ZFPM2: variants seen among roughly 807,000 people sequenced by gnomAD.
ZFPM2 encodes the protein zinc finger protein ZFPM2.
ZFPM2 carries 20 observed loss-of-function variants against 98.6 expected under a neutral mutation model. That is an observed-to-expected ratio of 0.20 (90% CI 0.14 to 0.29). ZFPM2 has a LOEUF of 0.29. ZFPM2 is among the 10% of genes least tolerant of loss of function. The probability of loss-of-function intolerance (pLI) is 1.00; values close to 1 mark genes in which losing one functional copy is unlikely to be tolerated. For missense variants in ZFPM2, 1,310 were observed against 1,388.6 expected (o/e 0.94, Z 0.90); for synonymous variants, 518 against 502.7 (o/e 1.03, Z -0.41).
intron 3 of ZFPM2, among the ~76,000 whole-genome samples, chr8:105,483,436 A>T (rs1813164123): frequency 6.6e-6 from 1 of 151,710 alleles, no homozygotes; most frequent in African/African-American, 2.4e-5. Flanking sequence ...CTAAAAATAC[A>T]AAAATTAGCT....
At chr8:105,537,722 T>A (rs182862949) in intron 3 of ZFPM2, among the ~76,000 whole-genome samples, 78 of 152,004 alleles carry the variant, frequency 5.1e-4, no homozygotes, top group African/African-American at 1.9e-3. Context: ...ATATATTTTT[T>A]CTTTTTTCTT....
Position 105,534,671 on chromosome 8 carries a change from A to G in ZFPM2, c.302-26692A>G, listed in dbSNP as rs183704361. Among the ~76,000 whole-genome samples, 7 of 152,320 alleles carry G rather than the reference A, an allele frequency of 4.6e-5. No homozygotes were observed. The East Asian group carries it at 1.4e-3, about 29-fold the overall frequency. On this transcript the variant is annotated intron_variant, in intron 3 of 7. Transcript: ENST00000407775. ...AACAGCTGAGCATTGTCCCTGGTAC[A>G]TACAGCAGCTCAGTGAAAATACATG...
At chr8:105,789,177 G>A (rs201845047) in intron 6 of ZFPM2, 31 of 297,494 alleles carry the variant, frequency 1.0e-4, no homozygotes, top group Non-Finnish European at 1.4e-4. Flanking sequence ...GCTGGTGCGC[G>A]GCACCCACTA....
chr8:105,413,457 C>T (rs1391504245), intron 1 of ZFPM2, among the ~76,000 whole-genome samples: 10 of 147,354 alleles, frequency 6.8e-5, no homozygotes, highest in East Asian at 3.9e-4. Context: ...AAATGTGGCT[C>T]GATTATGATG....
intron 5 of ZFPM2, among the ~76,000 whole-genome samples, chr8:105,764,807 G>T (rs923569555): frequency 6.6e-6 from 1 of 151,678 alleles, no homozygotes; most frequent in African/African-American, 2.4e-5. Flanking sequence ...TTTAGAATCT[G>T]TCATTTTCAT....
At chr8:105,501,926 A>G (rs1813604442) in intron 3 of ZFPM2, among the ~76,000 whole-genome samples, 1 of 152,280 alleles carries the variant, frequency 6.6e-6, no homozygotes, top group South Asian at 2.1e-4. Flanking sequence ...TTTTAATTCA[A>G]CAGAACATTA....
chr8:105,510,409 T>TG (rs1425375515), intron 3 of ZFPM2, among the ~76,000 whole-genome samples: 3 of 144,706 alleles, frequency 2.1e-5, no homozygotes, highest in East Asian at 2.0e-4. Flanking sequence ...TTTTTTTTTT[T>TG]TTTGTTTGTT....
At chr8:105,556,911 T>C (rs1447680837) in intron 3 of ZFPM2, among the ~76,000 whole-genome samples, 1 of 152,018 alleles carries the variant, frequency 6.6e-6, no homozygotes, top group Non-Finnish European at 1.5e-5. Context: ...TTAACACAGA[T>C]GGGGTTTCAC....
At chr8:105,342,173 T>C (rs1414943544) in intron 1 of ZFPM2, among the ~76,000 whole-genome samples, 1 of 152,024 alleles carries the variant, frequency 6.6e-6, no homozygotes. Flanking sequence ...ATGGAGATTA[T>C]AAAGAAACCT....
intron 6 of ZFPM2, chr8:105,795,771 G>A (rs761227763): frequency 2.1e-6 from 1 of 482,788 alleles, no homozygotes; most frequent in Non-Finnish European, 4.2e-6. Flanking sequence ...CACTTCATAT[G>A]ACACAAAATC....
Position 105,788,988 on chromosome 8 carries a change from G to T in ZFPM2, c.739+64G>T, listed in dbSNP as rs1424361225. 5 of 1,373,652 alleles carry T rather than the reference G, an allele frequency of 3.6e-6. No individual in the cohort carries two copies. In the Admixed American group the frequency reaches 6.7e-5, roughly 18 times the overall value. The allele number at this position is 1,373,652 out of a possible 1,614,324, so 85.1% of individuals were successfully genotyped here. ...ATGGGAATTTATGGGAGAAAAAAATGTCTACTGACAAGAAACCAGGAACAG... is the reference window on the plus strand; with the variant it reads ...ATGGGAATTTATGGGAGAAAAAAATTTCTACTGACAAGAAACCAGGAACAG... On this transcript the variant is annotated intron_variant, in intron 6 of 7. Transcript: ENST00000407775.
At position 105,803,585 on chromosome 8, in the gene ZFPM2, T is replaced by C; in HGVS notation, c.*47T>C. ...TTTGGTATCAGTGTTTAGTATGTTG[T>C]TCTAACCAGTCCAGAAAAAAAAATA... On this transcript the variant is annotated 3_prime_UTR_variant, in exon 8 of 8. Transcript: ENST00000407775. The C allele has an allele frequency of 6.5e-7, 1 of 1,542,270 alleles. No individual in the cohort carries two copies. Among genetic ancestry groups the C allele is most frequent in the African/African-American group, 1.4e-5 (1 of 73,332 alleles).
At chr8:105,414,235 G>A (rs6994431) in intron 1 of ZFPM2, among the ~76,000 whole-genome samples, 146,177 of 152,064 alleles carry the variant, frequency 0.96, 70,341 homozygotes, top group East Asian at 1. Flanking sequence ...GTTTAAGAGA[G>A]AAGATCCCTT....
At chr8:105,520,173 A>G (rs1369676027) in intron 3 of ZFPM2, among the ~76,000 whole-genome samples, 1 of 152,206 alleles carries the variant, frequency 6.6e-6, no homozygotes, top group Non-Finnish European at 1.5e-5. Context: ...ATACAGGGCA[A>G]CAGAACATTG....
At chr8:105,470,313 G>A (rs1812878519) in intron 3 of ZFPM2, among the ~76,000 whole-genome samples, 1 of 152,138 alleles carries the variant, frequency 6.6e-6, no homozygotes. Context: ...GGTGACCTTT[G>A]AAAAGTAAGC....
At chr8:105,712,111 A>G (rs1367525749) in intron 5 of ZFPM2, among the ~76,000 whole-genome samples, 4 of 151,968 alleles carry the variant, frequency 2.6e-5, no homozygotes, top group Non-Finnish European at 5.9e-5. Context: ...TAACTGGGGG[A>G]AAAAGGCTGG....
intron 4 of ZFPM2, among the ~76,000 whole-genome samples, chr8:105,585,401 T>A (rs955776168): frequency 6.6e-6 from 1 of 152,194 alleles, no homozygotes; most frequent in Admixed American, 6.5e-5. Flanking sequence ...CTGAATCACT[T>A]CAACCTTGAC....
chr8:105,354,177 T>G (rs1812698823), intron 1 of ZFPM2, among the ~76,000 whole-genome samples: 1 of 152,172 alleles, frequency 6.6e-6, no homozygotes, highest in Non-Finnish European at 1.5e-5. Context: ...ACCAGTGAAA[T>G]TGTTAAAATA....
At chr8:105,676,721 G>T (rs1477603628) in intron 5 of ZFPM2, among the ~76,000 whole-genome samples, 1 of 151,772 alleles carries the variant, frequency 6.6e-6, no homozygotes, top group South Asian at 2.1e-4. Context: ...GGGACAAAGA[G>T]AATAAATTTA....
Sources: allele counts gnomAD v4.1 joint callset (sites outside exome capture counted in the v4.1 genomes callset), GRCh38; gene constraint gnomAD v4.1.1; transcripts MANE v1.5; gene names NCBI Gene and HGNC (gene_info 2026-07-23, HGNC 2026-07-21).